ERCC6L2: variants seen among roughly 807,000 people sequenced by gnomAD.
ERCC6L2 encodes the protein DNA excision repair protein ERCC-6-like 2.
Under a neutral mutation model 132.0 loss-of-function variants are expected in ERCC6L2, and 77 were observed. The ratio of observed to expected loss-of-function variants is 0.58; its 90% CI spans 0.49 to 0.71. The LOEUF (loss-of-function observed/expected upper bound fraction) is 0.71. Ranked by LOEUF, ERCC6L2 falls within the 30% of genes least tolerant of loss-of-function variation. The pLI is 0.00. For missense variants in ERCC6L2, 1,542 were observed against 1,837.6 expected, an observed-to-expected ratio of 0.84 and a Z score of 2.94; for synonymous variants, 583 against 632.4, an observed-to-expected ratio of 0.92 and a Z score of 1.17.
At chr9:96,029,303 CAAAAA>C (rs201014094) in intron 19 of ERCC6L2, among the ~76,000 whole-genome samples, 2,264 of 81,838 alleles carry the variant, frequency 0.028, 77 homozygotes, top group African/African-American at 0.083. Context: ...GACTCCGTCT[CAAAAA>C]AAAAAAAAAA....
intron 19 of ERCC6L2, chr9:96,027,581 C>G (rs922782194): frequency 4.6e-5 from 7 of 152,194 alleles, no homozygotes; most frequent in Non-Finnish European, 1.0e-4. Flanking sequence ...CGGGCGGGTC[C>G]GGAAGGAGCC....
intron 11 of ERCC6L2, among the ~76,000 whole-genome samples, chr9:95,937,825 T>C (rs1040969526): frequency 2.6e-5 from 4 of 151,712 alleles, no homozygotes; most frequent in African/African-American, 9.7e-5. Context: ...TCTGCTTTTT[T>C]ATTTATTATT....
chr9:95,977,876 G>A (rs1011020430), intron 16 of ERCC6L2, among the ~76,000 whole-genome samples, 185 bp from the exon 17 acceptor site: 1 of 151,978 alleles, frequency 6.6e-6, no homozygotes, highest in Admixed American at 6.6e-5. Context: ...TGATGAGAAG[G>A]AAAAGTCATT....
At position 95,972,263 on chromosome 9, in the gene ERCC6L2, A is replaced by G. The variant is rs1222146230; in HGVS notation, c.2512A>G (p.Lys838Glu). 1.5e-6 allele frequency: 2 copies of G among 1,304,040 alleles called. No homozygotes were observed. The highest frequency in any genetic ancestry group is 4.6e-5 in the Admixed American group (2 of 43,532). 80.8% of individuals were successfully genotyped at this position (1,304,040 alleles called of 1,614,324 possible). A position where few individuals can be genotyped will look rare whatever the true frequency, so the allele number is the denominator to read the frequency against. ...AGAAGCCAAAGATGCTGGTTGTGAG[A>G]AAAATCAGGACTCTCTTGGTACTTC... is the stretch of plus-strand genomic sequence containing the variant. ...STEAKDAGCE[K>E]NQDSLGTSKH... The change falls in exon 16 of 19, where the codon AAA (lysine) becomes GAA (glutamate). Residue 838 changes from lysine (K) to glutamate (E), a missense_variant. By Grantham distance (56) the Lys-to-Glu change is moderately conservative. Coordinates refer to ENST00000653738, the MANE Select transcript of ERCC6L2 (RefSeq NM_020207.7).
chr9:95,918,600 C>T (rs180712478), intron 6 of ERCC6L2: 10 of 345,492 alleles, frequency 2.9e-5, no homozygotes, highest in Admixed American at 9.1e-5. Context: ...TTTTACAAGT[C>T]GGGGGGCCTA....
At chr9:95,907,857 C>CACACACACACACCCCCACA in intron 4 of ERCC6L2, among the ~76,000 whole-genome samples, 2 of 133,740 alleles carry the variant, frequency 1.5e-5, no homozygotes, top group African/African-American at 5.6e-5. Context: ...ACACACACAC[C>CACACACACACACCCCCACA]CCCACACCCA....
At position 95,966,524 on chromosome 9, in the gene ERCC6L2, A is replaced by G. The variant is rs751848035; in HGVS notation, c.1948-38A>G. The G allele has an allele frequency of 2.8e-6, 4 of 1,417,498 alleles. No individual in the cohort carries two copies. In the South Asian group the frequency reaches 7.3e-5, roughly 26 times the overall value. 87.8% of individuals were successfully genotyped at this position (1,417,498 alleles called of 1,614,324 possible). A position where few individuals can be genotyped will look rare whatever the true frequency, so the allele number is the denominator to read the frequency against. On this transcript the variant is annotated intron_variant, in intron 13 of 18. Transcript: ENST00000653738. ...GGAAATTCTGACATATTGTTGGAGC[A>G]AACACTTCAAAAATGTCTTGTGTTT...
chr9:95,912,196 A>G (rs904699507), intron 4 of ERCC6L2, among the ~76,000 whole-genome samples: 3 of 152,150 alleles, frequency 2.0e-5, no homozygotes, highest in African/African-American at 7.2e-5. Context: ...GGCATAGGAC[A>G]CTAGTCTCTG....
chr9:95,921,653 C>G (rs1371870334), intron 7 of ERCC6L2, among the ~76,000 whole-genome samples: 1 of 152,098 alleles, frequency 6.6e-6, no homozygotes, highest in Non-Finnish European at 1.5e-5. Context: ...CGAACATACT[C>G]TTGTATAGGA....
At chr9:95,899,598 A>ATGTGTGTGTGTGTGTGTGTGTGTGTGTG (rs763050798) in intron 3 of ERCC6L2, among the ~76,000 whole-genome samples, 1 of 113,212 alleles carries the variant, frequency 8.8e-6, no homozygotes, top group African/African-American at 4.1e-5. Context: ...CTTTATATAT[A>ATGTGTGTGTGTGTGTGTGTGTGTGTGTG]TATGTGTGTG....
rs201393222 is a variant in ERCC6L2 at position 95,876,027 on chromosome 9, C to A, written c.-12C>A. The A allele has an allele frequency of 4.0e-4, 627 of 1,586,966 alleles. 6 individuals carry two copies. The East Asian group carries it at 0.013, about 34-fold the overall frequency. On this transcript the variant is annotated 5_prime_UTR_variant, in exon 1 of 19. Transcript: ENST00000653738. ...TTACATGCAGCCGGGCTCGGCCCCT[C>A]CCCCTGGCCGGATGGATCCGTCGGC... is the stretch of plus-strand genomic sequence containing the variant.
At chr9:95,916,690 T>A (rs1358531427) in intron 6 of ERCC6L2, among the ~76,000 whole-genome samples, 9 of 151,256 alleles carry the variant, frequency 6.0e-5, no homozygotes, top group African/African-American at 2.2e-4. Flanking sequence ...AAACCTTTTT[T>A]TTTTTTTTTT....
chr9:95,918,376 TTTTA>T (rs1465261143), intron 6 of ERCC6L2: 1 of 361,390 alleles, frequency 2.8e-6, no homozygotes, highest in East Asian at 7.0e-5. Flanking sequence ...GGTGCACAGA[TTTTA>T]TTTGAGTCCG....
chr9:96,012,876 C>G lies in ERCC6L2; in HGVS notation c.4326C>G (p.Thr1442=), dbSNP rs973927506. ...NTSVISLLGD[T]SILDDLFKSH... is the part of the protein sequence containing the mutation. ...CTGTGATAAGCTTACTTGGTGATAC[C>G]TCTATTCTTGATGACCTTTTTAAAA... The change falls in exon 19 of 19, where the codon ACC becomes ACG. Residue 1442 remains threonine (T), a synonymous_variant. Transcript: ENST00000653738. The G allele has an allele frequency of 7.3e-7, 1 of 1,367,606 alleles. No homozygotes were observed. The highest frequency in any genetic ancestry group is 9.8e-7 in the Non-Finnish European group (1 of 1,021,834). 84.7% of individuals were successfully genotyped at this position (1,367,606 alleles called of 1,614,324 possible).
chr9:96,029,100 C>A (rs549040569), intron 19 of ERCC6L2, among the ~76,000 whole-genome samples: 1 of 151,748 alleles, frequency 6.6e-6, no homozygotes, highest in African/African-American at 2.4e-5. Context: ...GTCAGGAGAT[C>A]GAGACCATCC....
At chr9:96,040,207 G>A (rs1219493428) in intron 20 of ERCC6L2, among the ~76,000 whole-genome samples, 15 of 151,174 alleles carry the variant, frequency 9.9e-5, no homozygotes, top group African/African-American at 3.4e-4. Context: ...CCTCCCAGCT[G>A]TGATGGCCGC....
chr9:95,966,769 C>T, intron 14 of ERCC6L2, 55 bp downstream of exon 14: 1 of 1,306,046 alleles, frequency 7.7e-7, no homozygotes, highest in Non-Finnish European at 9.9e-7. Flanking sequence ...GTTTTTCTTC[C>T]TCAGGAAATC....
chr9:95,885,604 T>C (rs1003755122), intron 2 of ERCC6L2, among the ~76,000 whole-genome samples: 4 of 131,048 alleles, frequency 3.1e-5, no homozygotes, highest in Non-Finnish European at 4.9e-5. Flanking sequence ...AATTAGCTAG[T>C]TTAAGTACAA....
At chr9:96,005,715 A>G (rs1424570149) in intron 18 of ERCC6L2, among the ~76,000 whole-genome samples, 2 of 151,840 alleles carry the variant, frequency 1.3e-5, no homozygotes, top group Admixed American at 6.6e-5. Context: ...GGCTACAGAA[A>G]GAGTTTGGAT....
Sources: allele counts gnomAD v4.1 joint callset (sites outside exome capture counted in the v4.1 genomes callset), GRCh38; gene constraint gnomAD v4.1.1; transcripts MANE v1.5; gene names NCBI Gene and HGNC (gene_info 2026-07-23, HGNC 2026-07-21).